The following ATP8A2 variants were observed in gnomAD, a reference collection of about 807,000 sequenced individuals.
ATP8A2 encodes the protein phospholipid-transporting ATPase IB.
A neutral mutation model predicts 165.6 loss-of-function variants in ATP8A2; 100 were observed. The ratio of observed to expected loss-of-function variants is 0.60; its 90% CI spans 0.51 to 0.71. ATP8A2 has a LOEUF of 0.71. ATP8A2 is among the 30% of genes least tolerant of loss of function. ATP8A2 has a pLI of 0.00. For synonymous variants in ATP8A2, 543 were observed against 548.8 expected, an observed-to-expected ratio of 0.99 and a Z score of 0.15; for missense variants, 1,227 against 1,479.5, an observed-to-expected ratio of 0.83 and a Z score of 2.80.
intron 33 of ATP8A2, among the ~76,000 whole-genome samples, chr13:25,931,594 G>A (rs1052944950): frequency 6.6e-6 from 1 of 152,182 alleles, no homozygotes; most frequent in African/African-American, 2.4e-5. Flanking sequence ...GTGATGGTGG[G>A]TGCTCTGCCC....
At chr13:25,974,857 G>T (rs1354113259) in intron 35 of ATP8A2, among the ~76,000 whole-genome samples, 1 of 152,080 alleles carries the variant, frequency 6.6e-6, no homozygotes, top group African/African-American at 2.4e-5. Flanking sequence ...TTGGGGTGGT[G>T]CCTGTCCCTC....
chr13:25,656,712 G>A (rs1413091151), intron 24 of ATP8A2, among the ~76,000 whole-genome samples: 11 of 149,440 alleles, frequency 7.4e-5, no homozygotes, highest in South Asian at 2.1e-4. Context: ...CTGCACTCCA[G>A]CCTGAGCAAC....
chr13:25,940,957 A>G (rs1422157122), intron 33 of ATP8A2, among the ~76,000 whole-genome samples: 2 of 152,188 alleles, frequency 1.3e-5, no homozygotes, highest in African/African-American at 4.8e-5. Context: ...GGCACGTGCC[A>G]TGGTGTGCGG....
chr13:25,994,899 G>A (rs1956466354), intron 35 of ATP8A2, among the ~76,000 whole-genome samples: 1 of 152,054 alleles, frequency 6.6e-6, no homozygotes, highest in African/African-American at 2.4e-5. Flanking sequence ...AAATTGGGAA[G>A]TGTCTTTTCC....
rs1197091686 is a variant in ATP8A2 at position 25,531,409 on chromosome 13, AT to A, written c.420+751del. On this transcript the variant is annotated intron_variant, in intron 4 of 36. Transcript: ENST00000381655. ...TGATATATATATGATTATATATATGATTATATATATGATATATATATGATTA... is the reference window on the plus strand; with the variant it reads ...TGATATATATATGATTATATATATGATATATATATGATATATATATGATTA... Among the ~76,000 whole-genome samples, 203 of 36,804 alleles carry A rather than the reference AT, an allele frequency of 5.5e-3. 2 individuals carry two copies. Among genetic ancestry groups the A allele is most frequent in the African/African-American group, 0.014 (82 of 5,788 alleles). The allele number at this position is 36,804 out of a possible 152,430, so 24.1% of individuals were successfully genotyped here.
At chr13:25,758,203 C>A (rs2044304972) in intron 25 of ATP8A2, among the ~76,000 whole-genome samples, 1 of 152,146 alleles carries the variant, frequency 6.6e-6, no homozygotes, top group Non-Finnish European at 1.5e-5. Context: ...GCAAGATGAT[C>A]ATTACTCATT....
chr13:25,570,971 A>T (rs747548262), intron 17 of ATP8A2, 99 bp downstream of exon 17: 1 of 835,482 alleles, frequency 1.2e-6, no homozygotes, highest in Admixed American at 2.5e-5. Context: ...CGTCCCACAG[A>T]CTCGGCTGTC....
At chr13:25,937,758 A>G (rs905919695) in intron 33 of ATP8A2, among the ~76,000 whole-genome samples, 1 of 149,038 alleles carries the variant, frequency 6.7e-6, no homozygotes, top group African/African-American at 2.5e-5. Flanking sequence ...CTGAGGCAGG[A>G]GAATGGCATG....
chr13:25,964,413 C>G (rs1307108521), intron 34 of ATP8A2, among the ~76,000 whole-genome samples: 1 of 152,116 alleles, frequency 6.6e-6, no homozygotes, highest in Admixed American at 6.5e-5. Flanking sequence ...ATATTATGCT[C>G]CAAACCCGAA....
At chr13:25,888,480 T>C (rs997538096) in intron 33 of ATP8A2, among the ~76,000 whole-genome samples, 2 of 152,228 alleles carry the variant, frequency 1.3e-5, no homozygotes, top group Non-Finnish European at 2.9e-5. Flanking sequence ...CAGTATGCAG[T>C]AACTAATGAA....
chr13:25,517,670 C>T (rs554838094), intron 2 of ATP8A2, among the ~76,000 whole-genome samples: 1 of 152,342 alleles, frequency 6.6e-6, no homozygotes, highest in Admixed American at 6.5e-5. Context: ...ACTAATACCT[C>T]TCCTGGTCCA....
chr13:25,534,038 T>A (rs1593480864), intron 6 of ATP8A2: 1 of 440,054 alleles, frequency 2.3e-6, no homozygotes, highest in East Asian at 7.0e-5. Flanking sequence ...GAAGGGTAAC[T>A]TGAAGTGGTT....
At chr13:25,625,319 G>T (rs1378595378) in intron 24 of ATP8A2, among the ~76,000 whole-genome samples, 1 of 152,200 alleles carries the variant, frequency 6.6e-6, no homozygotes. Flanking sequence ...ATTTAGAAAA[G>T]GGTGCAGAAA....
chr13:25,636,528 G>A (rs76878098), intron 24 of ATP8A2, among the ~76,000 whole-genome samples: 5,266 of 152,046 alleles, frequency 0.035, 160 homozygotes, highest in East Asian at 0.13. Context: ...AGTATTCCCG[G>A]AAATATCATC....
chr13:25,437,176 T>A (rs1318631851), intron 1 of ATP8A2, among the ~76,000 whole-genome samples: 1 of 152,198 alleles, frequency 6.6e-6, no homozygotes, highest in African/African-American at 2.4e-5. Context: ...ATAATGAGCA[T>A]TTTTTCATAT....
At chr13:25,404,030 T>C (rs1449598538) in intron 1 of ATP8A2, among the ~76,000 whole-genome samples, 1 of 152,206 alleles carries the variant, frequency 6.6e-6, no homozygotes, top group Non-Finnish European at 1.5e-5. Flanking sequence ...CCGTGTTAAG[T>C]GCTGAGGATG....
chr13:25,482,731 T>C (rs1382102797), intron 2 of ATP8A2, among the ~76,000 whole-genome samples: 1 of 152,178 alleles, frequency 6.6e-6, no homozygotes, highest in Non-Finnish European at 1.5e-5. Context: ...CTCGTGGTAG[T>C]GAATAAATCT....
chr13:25,416,630 C>T (rs994877392), intron 1 of ATP8A2, among the ~76,000 whole-genome samples: 2 of 152,134 alleles, frequency 1.3e-5, no homozygotes, highest in Admixed American at 6.6e-5. Flanking sequence ...TTCAAGAACC[C>T]GTATCACTCT....
chr13:25,844,037 C>T (rs993137429), intron 30 of ATP8A2, among the ~76,000 whole-genome samples: 4 of 152,076 alleles, frequency 2.6e-5, no homozygotes, highest in Non-Finnish European at 4.4e-5. Context: ...CAGGACCATG[C>T]GGTTGCACAG....
Sources: allele counts gnomAD v4.1 joint callset (sites outside exome capture counted in the v4.1 genomes callset), GRCh38; gene constraint gnomAD v4.1.1; transcripts MANE v1.5; gene names NCBI Gene and HGNC (gene_info 2026-07-23, HGNC 2026-07-21).